Variants in ADCK2 observed in about 807,000 individuals in gnomAD.
ADCK2 encodes aarF domain containing kinase 2, also known as uncharacterized aarF domain-containing protein kinase 2.
Under a neutral mutation model 52.3 loss-of-function variants are expected in ADCK2, and 37 were observed. The ratio of observed to expected loss-of-function variants is 0.71; its 90% confidence interval spans 0.54 to 0.93. The LOEUF (loss-of-function observed/expected upper bound fraction) is 0.93, where lower values mean the gene tolerates loss of function less well. Ranked by LOEUF, ADCK2 falls within the 40% of genes least tolerant of loss-of-function variation. The probability of loss-of-function intolerance (pLI) is 0.00; values close to 1 mark genes in which losing one functional copy is unlikely to be tolerated. For synonymous variants in ADCK2, 321 were observed against 349.2 expected, an observed-to-expected ratio of 0.92 and a Z score of 0.90; for missense variants, 695 against 798.7, an observed-to-expected ratio of 0.87 and a Z score of 1.56.
intron 2 of ADCK2, among the ~76,000 whole-genome samples, chr7:140,676,110 G>C (rs960703748): frequency 6.6e-6 from 1 of 152,212 alleles, no homozygotes; most frequent in Non-Finnish European, 1.5e-5. Flanking sequence ...TGTATTTCTC[G>C]AGGTTCTGGA....
intron 5 of ADCK2, among the ~76,000 whole-genome samples, chr7:140,687,672 C>T (rs1360939225): frequency 2.0e-5 from 3 of 151,634 alleles, no homozygotes; most frequent in Non-Finnish European, 2.9e-5. Flanking sequence ...TGAGATTGTG[C>T]CACTTCACTC....
intron 6 of ADCK2, 112 bp downstream of exon 6, chr7:140,689,837 GA>G: frequency 8.0e-7 from 1 of 1,255,326 alleles, no homozygotes. Context: ...TTTTAAAGCA[GA>G]AAAAGAACCA....
intron 5 of ADCK2, 43 bp from the exon 6 acceptor site, chr7:140,689,554 A>T: frequency 6.4e-7 from 1 of 1,553,428 alleles, no homozygotes. Context: ...ATCCAGGTTT[A>T]TGCTAGCTCC....
Position 140,693,039 on chromosome 7 carries a change from C to T in ADCK2, c.1741-1624C>T, listed in dbSNP as rs1563211888. ...CATCCTAATGGGTGTGAGGTGATGT[C>T]TCATTGTGGTTTTGATTGCATTTCT... On this transcript the variant is annotated intron_variant, in intron 7 of 7. Transcript: ENST00000072869. The surrounding 1 kb of genome is among the most constrained non-coding windows in gnomAD (Gnocchi z 4.0). Among the ~76,000 whole-genome samples the T allele has an allele frequency of 6.6e-6, 1 of 152,180 alleles. No homozygotes were observed. Among genetic ancestry groups the T allele is most frequent in the Non-Finnish European group, 1.5e-5 (1 of 68,044 alleles).
intron 4 of ADCK2, among the ~76,000 whole-genome samples, chr7:140,684,754 A>ACCACTCCAACCCTAATT (rs1794577511): frequency 6.6e-6 from 1 of 152,112 alleles, no homozygotes; most frequent in Non-Finnish European, 1.5e-5. Flanking sequence ...CTCAGGTGAC[A>ACCACTCCAACCCTAATT]CCACTCCAAC....
Position 140,673,398 on chromosome 7 carries a change from A to T in ADCK2, c.68A>T (p.Gln23Leu), listed in dbSNP as rs1325506321. 1 of 1,576,748 alleles carries T rather than the reference A, an allele frequency of 6.3e-7. No individual in the cohort carries two copies. The highest frequency in any genetic ancestry group is 8.6e-7 in the Non-Finnish European group (1 of 1,162,268). ...CACCTGAGGTGCTTCGAGCTCAGACAGGGACTCAGCCTCCTGAGGCCCTCC... is the reference window on the plus strand; with the variant it reads ...CACCTGAGGTGCTTCGAGCTCAGACTGGGACTCAGCCTCCTGAGGCCCTCC... ...LSHLRCFELRQGLSLLRPSEC... is the reference protein window; with the variant it reads ...LSHLRCFELRLGLSLLRPSEC... The change falls in exon 1 of 8, where the codon CAG (glutamine) becomes CTG (leucine). Residue 23 changes from glutamine (Q) to leucine (L), a missense_variant. Gln to Leu is a moderately radical substitution (Grantham distance 113). Transcript: ENST00000072869. The surrounding 1 kb of genome is among the most constrained non-coding windows in gnomAD (Gnocchi z 6.4).
At chr7:140,687,713 C>CAA (rs1183936231) in intron 5 of ADCK2, among the ~76,000 whole-genome samples, 1 of 131,860 alleles carries the variant, frequency 7.6e-6, no homozygotes. Flanking sequence ...GACTCCATTT[C>CAA]AAAAAAAAAA....
intron 7 of ADCK2, 24 bp from the exon 8 acceptor site, chr7:140,694,639 A>T: frequency 6.2e-7 from 1 of 1,609,796 alleles, no homozygotes; most frequent in Non-Finnish European, 8.5e-7. Context: ...TTCTGAGATG[A>T]ACTGTTCTGT....
In ADCK2 at chr7:140,674,108, G is replaced by C. The variant is rs890744377; in HGVS notation, c.778G>C (p.Gly260Arg). 6.2e-7 allele frequency: 1 copy of C among 1,614,048 alleles called. No individual in the cohort carries two copies. The highest frequency in any genetic ancestry group is 8.5e-7 in the Non-Finnish European group (1 of 1,180,034). The stretch of plus-strand genomic sequence containing the variant: ...AGAGCTCTTTGGATACCTTGGAAAT[G>C]GCCGGAAACCTCCAGAAAATCTCGC... ...LRELFGYLGN[G>R]RKPPENLADQ... Residue 260 changes from glycine to arginine, a missense_variant, in exon 1 of 8, where the codon GGC (glycine) becomes CGC (arginine). Transcript: ENST00000072869. The surrounding 1 kb of genome is among the most constrained non-coding windows in gnomAD (Gnocchi z 4.6).
At chr7:140,677,518 A>G (rs1794440870) in intron 2 of ADCK2, among the ~76,000 whole-genome samples, 1 of 152,190 alleles carries the variant, frequency 6.6e-6, no homozygotes, top group Non-Finnish European at 1.5e-5. Flanking sequence ...TTGAACATGT[A>G]CAGACTTTTT....
Position 140,673,513 on chromosome 7 carries a change from C to T in ADCK2, c.183C>T (p.Ala61=). ...TGTGCGGGGACGTGGGTGAGGGGGC[C>T]CCTGACGTTCTGAGTCGGCGAAGGG... ...VSLCGDVGEG[A]PDVLSRRRVR... Residue 61 remains alanine (A), a synonymous_variant, in exon 1 of 8, where the codon GCC becomes GCT. Coordinates refer to ENST00000072869, the MANE Select transcript of ADCK2 (RefSeq NM_052853.4). This position sits in a 1 kb window ranked among gnomAD's most constrained non-coding sequence, Gnocchi z 6.4. 1.9e-6 allele frequency: 3 copies of T among 1,601,402 alleles called. No homozygotes were observed. Among genetic ancestry groups the T allele is most frequent in the South Asian group, 1.1e-5 (1 of 90,374 alleles).
chr7:140,690,542 C>T (rs1035919146), intron 6 of ADCK2, among the ~76,000 whole-genome samples: 13 of 152,120 alleles, frequency 8.5e-5, no homozygotes, highest in Middle Eastern at 3.4e-3. Context: ...GGCTTGTCTT[C>T]CAAAGGCCTC....
Position 140,674,183 on chromosome 7 carries a change from G to A in ADCK2, c.853G>A (p.Gly285Arg). ...RLLLPKADLV[G>R]SNAGVSRAQV... ...GCTCCTCCCTAAAGCTGACCTGGTT[G>A]GATCAAATGCAGGGGTGTCTCGGGC... The change falls in exon 1 of 8, where the codon GGA becomes AGA. Residue 285 changes from glycine (G) to arginine (R), a missense_variant. Physicochemically the swap from Gly to Arg is moderately radical, Grantham distance 125. Transcript: ENST00000072869. This position sits in a 1 kb window ranked among gnomAD's most constrained non-coding sequence, Gnocchi z 4.6. The A allele has an allele frequency of 6.2e-7, 1 of 1,614,040 alleles. No individual in the cohort carries two copies. The highest frequency in any genetic ancestry group is 2.2e-5 in the East Asian group (1 of 44,874).
In ADCK2 at chr7:140,687,255, G is replaced by A; in HGVS notation, c.1557+14G>A. ...GTGATGGGGCAGGTGAGACGCACTG[G>A]GACCACAGAAGTTGGGGTGAATTTT... On this transcript the variant is annotated intron_variant, in intron 5 of 7. Coordinates refer to ENST00000072869, the MANE Select transcript of ADCK2 (RefSeq NM_052853.4). The A allele has an allele frequency of 1.3e-6, 2 of 1,540,862 alleles. No individual in the cohort carries two copies. Among genetic ancestry groups the A allele is most frequent in the Non-Finnish European group, 8.8e-7 (1 of 1,137,576 alleles).
At chr7:140,694,313 T>C (rs1300255409) in intron 7 of ADCK2, among the ~76,000 whole-genome samples, 1 of 152,118 alleles carries the variant, frequency 6.6e-6, no homozygotes, top group African/African-American at 2.4e-5. Context: ...CATACATACA[T>C]AAAGGTTACT....
chr7:140,678,444 G>A lies in ADCK2; in HGVS notation c.1081-711G>A, dbSNP rs1320692976. Among the ~76,000 whole-genome samples the A allele has an allele frequency of 6.6e-6, 1 of 152,130 alleles. No homozygotes were observed. The highest frequency in any genetic ancestry group is 1.5e-5 in the Non-Finnish European group (1 of 68,018). ...CTGTCAGAGGAGGCGCCGGCTGAGG[G>A]CTTGGTGGCTGTCAAGGGGACACAC... On this transcript the variant is annotated intron_variant, in intron 2 of 7. Transcript: ENST00000072869. The surrounding 1 kb of genome is among the most constrained non-coding windows in gnomAD (Gnocchi z 4.9).
At position 140,689,671 on chromosome 7, in the gene ADCK2, CGA is replaced by C; in HGVS notation, c.1635_1636del (p.Glu545AspfsTer26). ...GCAGGGACGTGGAGGGGTTCAAAAC[CGA>C]GATGGCCATGCTGGTGACCCAGGCC... ...ECRDVEGFKT[E>X]MAMLVTQARK... is the part of the protein sequence containing the mutation. On this transcript the variant is annotated frameshift_variant, in exon 6 of 8. Coordinates refer to ENST00000072869, the MANE Select transcript of ADCK2 (RefSeq NM_052853.4). LOFTEE classifies it high-confidence loss of function. 6.2e-7 allele frequency: 1 copy of C among 1,613,700 alleles called. No homozygotes were observed. The highest frequency in any genetic ancestry group is 8.5e-7 in the Non-Finnish European group (1 of 1,179,776).
chr7:140,687,236 G>C lies in ADCK2; in HGVS notation c.1552G>C (p.Gly518Arg), dbSNP rs1249629273. The change falls in exon 5 of 8, where the codon GGG becomes CGG. Residue 518 changes from glycine to arginine, a missense_variant. Gly to Arg is a moderately radical substitution (Grantham distance 125). Transcript: ENST00000072869. ...GGCAGTTTTCATGGCTGTGGTGATG[G>C]GGCAGGTGAGACGCACTGGGACCAC... ...FRAVFMAVVM[G>R]QGQRVAELIL... 1.9e-6 allele frequency: 3 copies of C among 1,561,488 alleles called. No individual in the cohort carries two copies. Among genetic ancestry groups the C allele is most frequent in the Admixed American group, 1.9e-5 (1 of 53,082 alleles).
At chr7:140,688,098 G>A (rs925615560) in intron 5 of ADCK2, among the ~76,000 whole-genome samples, 4 of 150,754 alleles carry the variant, frequency 2.7e-5, no homozygotes, top group Non-Finnish European at 5.9e-5. Context: ...AGGCTGGAGT[G>A]CCTTGGCGTG....
Sources: allele counts gnomAD v4.1 joint callset (sites outside exome capture counted in the v4.1 genomes callset), GRCh38; gene constraint gnomAD v4.1.1; non-coding constraint Gnocchi (gnomAD v3.1); transcripts MANE v1.5; gene names NCBI Gene and HGNC (gene_info 2026-07-23, HGNC 2026-07-21).